SH3RF3: variants seen among roughly 807,000 people sequenced by gnomAD.
SH3RF3 encodes the protein E3 ubiquitin-protein ligase SH3RF3.
Under a neutral mutation model 66.3 loss-of-function variants are expected in SH3RF3, and 29 were observed. The ratio of observed to expected loss-of-function variants is 0.44; its 90% CI spans 0.33 to 0.60. The LOEUF (loss-of-function observed/expected upper bound fraction) is 0.60. Among genes scored for constraint, SH3RF3 ranks in the 20% least tolerant of loss-of-function variants. The pLI is 0.04. For synonymous variants in SH3RF3, 583 were observed against 532.0 expected, an observed-to-expected ratio of 1.10 and a Z score of -1.32; for missense variants, 1,194 against 1,190.9, an observed-to-expected ratio of 1.00 and a Z score of -0.04.
chr2:109,382,908 T>C (rs1043492977), intron 3 of SH3RF3, among the ~76,000 whole-genome samples: 1 of 152,194 alleles, frequency 6.6e-6, no homozygotes, highest in Non-Finnish European at 1.5e-5. Flanking sequence ...TCTCATTCTA[T>C]GGATTAATGT....
intron 1 of SH3RF3, among the ~76,000 whole-genome samples, chr2:109,323,530 G>A (rs951596379): frequency 2.0e-5 from 3 of 152,228 alleles, no homozygotes; most frequent in African/African-American, 4.8e-5. Context: ...GAAGAATATT[G>A]TAGGTAGTGG....
intron 1 of SH3RF3, among the ~76,000 whole-genome samples, chr2:109,216,063 GCAGT>G (rs1558963103): frequency 6.6e-6 from 1 of 152,178 alleles, no homozygotes; most frequent in Non-Finnish European, 1.5e-5. Context: ...AGACAGCCAA[GCAGT>G]CAGTCTGAAG....
chr2:109,371,498 G>A (rs1683270032), intron 2 of SH3RF3, 88 bp from the exon 3 acceptor site: 2 of 1,050,152 alleles, frequency 1.9e-6, no homozygotes, highest in South Asian at 1.4e-5. Flanking sequence ...TCTCTTCCGA[G>A]CCTCCACAGT....
chr2:109,370,215 G>C (rs981826688), intron 2 of SH3RF3, among the ~76,000 whole-genome samples: 1 of 146,390 alleles, frequency 6.8e-6, no homozygotes, highest in African/African-American at 2.7e-5. Flanking sequence ...CTCTGTCTCT[G>C]TCTCTGTCTC....
At chr2:109,486,150 G>T (rs1482336164) in intron 8 of SH3RF3, among the ~76,000 whole-genome samples, 6 of 152,198 alleles carry the variant, frequency 3.9e-5, no homozygotes, top group African/African-American at 1.4e-4. Flanking sequence ...TCTGTGTCTT[G>T]ACATTACTCT....
chr2:109,320,570 C>T (rs1486092447), intron 1 of SH3RF3, among the ~76,000 whole-genome samples: 2 of 152,242 alleles, frequency 1.3e-5, no homozygotes, highest in Non-Finnish European at 2.9e-5. Flanking sequence ...GTTTAGGCCT[C>T]TCCCCACCTA....
intron 2 of SH3RF3, among the ~76,000 whole-genome samples, chr2:109,355,505 T>C (rs1682929900): frequency 6.6e-6 from 1 of 152,204 alleles, no homozygotes; most frequent in Admixed American, 6.5e-5. Flanking sequence ...CAATGGAGGG[T>C]TGAGTAATTG....
intron 1 of SH3RF3, among the ~76,000 whole-genome samples, chr2:109,154,067 A>G (rs937892061): frequency 6.6e-6 from 1 of 152,230 alleles, no homozygotes; most frequent in Non-Finnish European, 1.5e-5. Context: ...TTGATGCATC[A>G]AAGTATGAAC....
chr2:109,426,638 A>G (rs1399532509), intron 5 of SH3RF3, among the ~76,000 whole-genome samples: 1 of 152,210 alleles, frequency 6.6e-6, no homozygotes, highest in Non-Finnish European at 1.5e-5. Context: ...AATGACAACA[A>G]AGAGTTTAGA....
intron 1 of SH3RF3, among the ~76,000 whole-genome samples, chr2:109,318,326 G>C (rs1381590480): frequency 3.9e-5 from 6 of 152,040 alleles, no homozygotes; most frequent in Non-Finnish European, 1.5e-5. Flanking sequence ...GTGCCTCCCG[G>C]CCCCCAGCCC....
chr2:109,413,764 G>A (rs1676653863), intron 4 of SH3RF3, among the ~76,000 whole-genome samples: 1 of 152,234 alleles, frequency 6.6e-6, no homozygotes, highest in Non-Finnish European at 1.5e-5. Context: ...AGACTTCTCT[G>A]TTACTAACTA....
chr2:109,376,917 T>C (rs186545488), intron 3 of SH3RF3, among the ~76,000 whole-genome samples: 2 of 152,320 alleles, frequency 1.3e-5, no homozygotes, highest in East Asian at 1.9e-4. Context: ...TGTGCCTAGA[T>C]AGACCCTAGT....
At chr2:109,255,833 G>A (rs776409429) in intron 1 of SH3RF3, among the ~76,000 whole-genome samples, 2 of 152,178 alleles carry the variant, frequency 1.3e-5, no homozygotes, top group Non-Finnish European at 2.9e-5. Flanking sequence ...TTAATAGGCC[G>A]AGTTTTCAGA....
intron 1 of SH3RF3, among the ~76,000 whole-genome samples, chr2:109,141,270 A>T (rs1676942004): frequency 6.6e-6 from 1 of 152,062 alleles, no homozygotes; most frequent in African/African-American, 2.4e-5. Flanking sequence ...GGCCGTGCGC[A>T]TTCCTGGCAA....
At chr2:109,181,476 T>C (rs1678072349) in intron 1 of SH3RF3, among the ~76,000 whole-genome samples, 1 of 151,992 alleles carries the variant, frequency 6.6e-6, no homozygotes, top group Non-Finnish European at 1.5e-5. Context: ...AGGATTCCAC[T>C]GGTGTAACAC....
rs1208147471 is a variant in SH3RF3 at position 109,452,945 on chromosome 2, CGGGAGGCTGGTCCCT to C, written c.2148+3480_2148+3494del. Among the ~76,000 whole-genome samples the C allele has an allele frequency of 5.0e-4, 74 of 149,152 alleles. 1 individual carries two copies. The highest frequency in any genetic ancestry group is 1.4e-3 in the East Asian group (7 of 5,004). Reference sequence around the variant, plus strand: ...GAGGCTGGTCCCGGGAGGCTGGTGCCGGGAGGCTGGTCCCTGGGAGGCTGGTCCCTGGGAGGCTAT... The same window carrying C: ...GAGGCTGGTCCCGGGAGGCTGGTGCCGGGAGGCTGGTCCCTGGGAGGCTAT... On this transcript the variant is annotated intron_variant, in intron 8 of 9. Coordinates refer to ENST00000309415, the MANE Select transcript of SH3RF3 (RefSeq NM_001099289.3).
chr2:109,147,556 A>G (rs1677128729), intron 1 of SH3RF3, among the ~76,000 whole-genome samples: 1 of 152,214 alleles, frequency 6.6e-6, no homozygotes, highest in Admixed American at 6.5e-5. Context: ...TAGTACCGTA[A>G]ATGGTCCAAA....
chr2:109,342,116 G>A (rs1169906048), intron 1 of SH3RF3, among the ~76,000 whole-genome samples: 8 of 152,234 alleles, frequency 5.3e-5, no homozygotes, highest in Non-Finnish European at 1.2e-4. Flanking sequence ...CAGGTGGGCA[G>A]ACTCTGTGTC....
rs114151497 is a variant in SH3RF3 at position 109,208,282 on chromosome 2, C to G, written c.573+78169C>G. On this transcript the variant is annotated intron_variant, in intron 1 of 9. Transcript: ENST00000309415. ...CAGAATTGCAGATCCACAGACACTC[C>G]TGCCACCTGCAGGTGGGGCATATCC... 2.6e-3 allele frequency among the ~76,000 whole-genome samples: 400 copies of G among 152,356 alleles called. 2 individuals carry two copies. Among genetic ancestry groups the G allele is most frequent in the African/African-American group, 9.3e-3 (385 of 41,586 alleles).
Sources: gnomAD v4.1 joint callset for allele counts (sites outside exome capture counted in the v4.1 genomes callset) on GRCh38, gnomAD v4.1.1 for gene constraint, MANE v1.5 for transcripts, NCBI Gene and HGNC (gene_info 2026-07-23, HGNC 2026-07-21) for gene names.